Variants in MAML1 observed in about 807,000 individuals in gnomAD.
MAML1 encodes mastermind-like protein 1.
MAML1 carries 14 observed loss-of-function variants against 77.1 expected under a neutral mutation model. The observed-to-expected ratio is 0.18, with a 90% CI of 0.12 to 0.28. The LOEUF (loss-of-function observed/expected upper bound fraction) is 0.28, where lower values mean the gene tolerates loss of function less well. Ranked by LOEUF, MAML1 falls within the 10% of genes least tolerant of loss-of-function variation. The pLI is 1.00. For missense variants in MAML1, 1,217 were observed against 1,327.8 expected, an observed-to-expected ratio of 0.92 and a Z score of 1.30; for synonymous variants, 516 against 551.9, an observed-to-expected ratio of 0.93 and a Z score of 0.91.
In MAML1 at chr5:179,774,685, G is replaced by C. The variant is rs754452753; in HGVS notation, c.2859G>C (p.Ala953=). The part of the protein sequence containing the change: ...QSPASQMGGR[A]GLHCTQAYPV... Reference sequence around the variant, plus strand: ...CTGCCTCACAGATGGGCGGTCGGGCGGGGCTGCACTGCACCCAGGCCTACC... The same window carrying C: ...CTGCCTCACAGATGGGCGGTCGGGCCGGGCTGCACTGCACCCAGGCCTACC... Residue 953 remains alanine (A), a synonymous_variant, in exon 5 of 5, where the codon GCG becomes GCC. Transcript: ENST00000292599. 2 of 1,609,954 alleles carry C rather than the reference G, an allele frequency of 1.2e-6. No homozygotes were observed. The highest frequency in any genetic ancestry group is 4.5e-5 in the East Asian group (2 of 44,856).
intron 1 of MAML1, among the ~76,000 whole-genome samples, chr5:179,759,634 C>T (rs973176466): frequency 1.3e-5 from 2 of 152,140 alleles, no homozygotes; most frequent in Non-Finnish European, 1.5e-5. Flanking sequence ...TCAGGGCTCC[C>T]GAGTGTCCTG....
At chr5:179,753,920 C>T (rs1779561306) in intron 1 of MAML1, among the ~76,000 whole-genome samples, 1 of 151,740 alleles carries the variant, frequency 6.6e-6, no homozygotes. Context: ...GATCCACCCA[C>T]CTCGGCCTCC....
At position 179,766,208 on chromosome 5, in the gene MAML1, CAGCAGATCGCTGCCAAGCAGAAGCGCG is replaced by C; in HGVS notation, c.1206_1232del (p.Ile402_Gln410del). Reference sequence around the variant, plus strand: ...AGAGCTGTCCTCTGCCCACCAGCTCCAGCAGATCGCTGCCAAGCAGAAGCGCGAGCAGATGCTCCAGAACCCACAGCA... The same window carrying C: ...AGAGCTGTCCTCTGCCCACCAGCTCCAGCAGATGCTCCAGAACCCACAGCA... On this transcript the variant is annotated inframe_deletion, in exon 2 of 5. Coordinates refer to ENST00000292599, the MANE Select transcript of MAML1 (RefSeq NM_014757.5). This position sits in a 1 kb window ranked among gnomAD's most constrained non-coding sequence, Gnocchi z 4.0. The C allele has an allele frequency of 6.2e-7, 1 of 1,612,360 alleles. No individual in the cohort carries two copies.
rs6872816 is a variant in MAML1 at position 179,753,220 on chromosome 5, T to C, written c.316-12106T>C. Among the ~76,000 whole-genome samples the C allele has an allele frequency of 8.9e-3, 335 of 37,824 alleles. 1 individual carries two copies. Among genetic ancestry groups the C allele is most frequent in the Middle Eastern group, 0.014 (1 of 70 alleles). The allele number at this position is 37,824 out of a possible 152,430, so 24.8% of individuals were successfully genotyped here. A position where few individuals can be genotyped will look rare whatever the true frequency, so the allele number is the denominator to read the frequency against. ...GTGTGTGTGTGTGTGTGTGTGTGTG[T>C]GTGCGCGCGCGCGCGCGCGTGCTGG... On this transcript the variant is annotated intron_variant, in intron 1 of 4. Coordinates refer to ENST00000292599, the MANE Select transcript of MAML1 (RefSeq NM_014757.5).
At position 179,775,727 on chromosome 5, in the gene MAML1, C is replaced by T. The variant is rs763531767; in HGVS notation, c.*850C>T. ...GTCTCCCCACCTTCTGCAGTTTTCT[C>T]TGAACATGTATGTTGCCCATGGTGG... On this transcript the variant is annotated 3_prime_UTR_variant, in exon 5 of 5. Coordinates refer to ENST00000292599, the MANE Select transcript of MAML1 (RefSeq NM_014757.5). The T allele has an allele frequency of 1.0e-5, 10 of 985,502 alleles. No individual in the cohort carries two copies. The highest frequency in any genetic ancestry group is 1.2e-5 in the Non-Finnish European group (10 of 829,966). The allele number at this position is 985,502 out of a possible 1,614,324, so 61.0% of individuals were successfully genotyped here.
chr5:179,774,345 A>C lies in MAML1; in HGVS notation c.2519A>C (p.Gln840Pro), dbSNP rs1756079403. 6.2e-7 allele frequency: 1 copy of C among 1,613,370 alleles called. No individual in the cohort carries two copies. The highest frequency in any genetic ancestry group is 1.3e-5 in the African/African-American group (1 of 75,066). The change falls in exon 5 of 5, where the codon CAG becomes CCG. Residue 840 changes from glutamine to proline, a missense_variant. Gln to Pro is a moderately conservative substitution (Grantham distance 76). This residue lies in a region of MAML1 where 884 missense variants were observed against 949.3 expected (regional missense o/e 0.93). Transcript: ENST00000292599. ...ATGGGAGGCCAGAATTCCTCCTGGC[A>C]GCATCAGGGAATGCCGAACCTCAGT... Reference protein sequence around the residue: ...PAMGGQNSSWQHQGMPNLSGQ... With the variant: ...PAMGGQNSSWPHQGMPNLSGQ...
At chr5:179,759,789 C>G (rs1411915734) in intron 1 of MAML1, among the ~76,000 whole-genome samples, 1 of 152,238 alleles carries the variant, frequency 6.6e-6, no homozygotes, top group Non-Finnish European at 1.5e-5. Context: ...GGTGGAGTCC[C>G]TCTGACTCTG....
intron 1 of MAML1, among the ~76,000 whole-genome samples, chr5:179,740,365 G>T (rs572832727): frequency 6.6e-6 from 1 of 152,126 alleles, no homozygotes; most frequent in East Asian, 1.9e-4. Context: ...CCGCCTCCCG[G>T]GTTCACGCCA....
intron 1 of MAML1, among the ~76,000 whole-genome samples, chr5:179,756,671 A>G (rs1779628110): frequency 1.3e-5 from 2 of 152,198 alleles, no homozygotes; most frequent in East Asian, 1.9e-4. Context: ...TAGCGGTCAC[A>G]CGGATAACAT....
chr5:179,757,924 A>C (rs1779653196), intron 1 of MAML1, among the ~76,000 whole-genome samples: 1 of 152,232 alleles, frequency 6.6e-6, no homozygotes, highest in African/African-American at 2.4e-5. Flanking sequence ...CTTTCCATCG[A>C]AAAAGGTGAT....
Position 179,774,523 on chromosome 5 carries a change from G to A in MAML1, c.2697G>A (p.Val899=), listed in dbSNP as rs190436419. The A allele has an allele frequency of 6.4e-5, 103 of 1,613,130 alleles. No individual in the cohort carries two copies. In the East Asian group the frequency reaches 2.1e-3, roughly 33 times the overall value. The change falls in exon 5 of 5, where the codon GTG becomes GTA. Residue 899 remains valine, a synonymous_variant. Coordinates refer to ENST00000292599, the MANE Select transcript of MAML1 (RefSeq NM_014757.5). ...PMAPMSSAAA[V]GSLLPPVSAQ... is the part of the protein sequence containing the mutation. ...CTCCCATGAGCTCAGCAGCTGCCGT[G>A]GGGTCCTTGCTACCCCCAGTGAGTG...
intron 1 of MAML1, among the ~76,000 whole-genome samples, chr5:179,758,945 C>A (rs1030576459): frequency 2.0e-5 from 3 of 151,932 alleles, no homozygotes; most frequent in Admixed American, 2.0e-4. Context: ...TTGCAGTGAG[C>A]TGAGATCGTG....
In MAML1 at chr5:179,776,809, A is replaced by C; in HGVS notation, c.*1932A>C. On this transcript the variant is annotated 3_prime_UTR_variant, in exon 5 of 5. Coordinates refer to ENST00000292599, the MANE Select transcript of MAML1 (RefSeq NM_014757.5). ...TCACTTGCTGCAGTGTCATAGCAAT[A>C]AAATGTGATTCTTGGGGTCCCCCCA... 1.0e-6 allele frequency: 1 copy of C among 985,932 alleles called. No individual in the cohort carries two copies. The highest frequency in any genetic ancestry group is 1.2e-6 in the Non-Finnish European group (1 of 829,978). 61.1% of individuals were successfully genotyped at this position (985,932 alleles called of 1,614,324 possible).
At position 179,754,048 on chromosome 5, in the gene MAML1, T is replaced by C. The variant is rs149805353; in HGVS notation, c.316-11278T>C. On this transcript the variant is annotated intron_variant, in intron 1 of 4. Coordinates refer to ENST00000292599, the MANE Select transcript of MAML1 (RefSeq NM_014757.5). ...CCTGTAATCTCAGCACTTTGGGAGG[T>C]CAAGGTGGGTGGATCCCTTGAGCCC... 6.2e-3 allele frequency among the ~76,000 whole-genome samples: 940 copies of C among 151,178 alleles called. 10 individuals carry two copies. Among genetic ancestry groups the C allele is most frequent in the African/African-American group, 0.021 (873 of 41,114 alleles).
chr5:179,735,754 T>A (rs142582220), intron 1 of MAML1, among the ~76,000 whole-genome samples: 1 of 150,970 alleles, frequency 6.6e-6, no homozygotes, highest in Non-Finnish European at 1.5e-5. Context: ...GTGACATGAT[T>A]TCTGCTCACT....
In MAML1 at chr5:179,774,916, A is replaced by T; in HGVS notation, c.*39A>T. The T allele has an allele frequency of 6.5e-7, 1 of 1,535,482 alleles. No homozygotes were observed. The highest frequency in any genetic ancestry group is 8.8e-7 in the Non-Finnish European group (1 of 1,142,310). ...AGTGTTTTTAGTGTTCATTCATCCTATATTTTTATTCTCAGATTCAAAGAA... is the reference window on the plus strand; with the variant it reads ...AGTGTTTTTAGTGTTCATTCATCCTTTATTTTTATTCTCAGATTCAAAGAA... On this transcript the variant is annotated 3_prime_UTR_variant, in exon 5 of 5. Coordinates refer to ENST00000292599, the MANE Select transcript of MAML1 (RefSeq NM_014757.5).
intron 1 of MAML1, among the ~76,000 whole-genome samples, chr5:179,744,263 C>T (rs1779339029): frequency 6.6e-6 from 1 of 152,152 alleles, no homozygotes; most frequent in South Asian, 2.1e-4. Context: ...TGGCTCACCG[C>T]AACCTCCACT....
At position 179,769,049 on chromosome 5, in the gene MAML1, A is replaced by G. The variant is rs1237531520; in HGVS notation, c.1931A>G (p.Gln644Arg). ...CAGCAGCAAAAGCATTTACAGCAACAGCAGTTCCTTCAGAGGCAACAGCAC... is the reference window on the plus strand; with the variant it reads ...CAGCAGCAAAAGCATTTACAGCAACGGCAGTTCCTTCAGAGGCAACAGCAC... ...REQQQKHLQQ[Q>R]QFLQRQQHLL... The change falls in exon 3 of 5, where the codon CAG (glutamine) becomes CGG (arginine). Residue 644 changes from glutamine to arginine, a missense_variant. This residue lies in a region of MAML1 where 884 missense variants were observed against 949.3 expected (regional missense o/e 0.93). Coordinates refer to ENST00000292599, the MANE Select transcript of MAML1 (RefSeq NM_014757.5). The surrounding 1 kb of genome is among the most constrained non-coding windows in gnomAD (Gnocchi z 4.2). The G allele has an allele frequency of 6.2e-7, 1 of 1,614,236 alleles. No homozygotes were observed. Among genetic ancestry groups the G allele is most frequent in the Non-Finnish European group, 8.5e-7 (1 of 1,180,032 alleles).
rs1755976751 is a variant in MAML1 at position 179,771,091 on chromosome 5, T to C, written c.1972-56T>C. 3 of 1,373,064 alleles carry C rather than the reference T, an allele frequency of 2.2e-6. No homozygotes were observed. The highest frequency in any genetic ancestry group is 3.1e-6 in the Non-Finnish European group (3 of 961,204). 85.1% of individuals were successfully genotyped at this position (1,373,064 alleles called of 1,614,324 possible). ...TTTTCTCTGACCTCCCTCACTCCCT[T>C]TGTTTTGGATTTTGTTATATGTTGG... On this transcript the variant is annotated intron_variant, in intron 3 of 4. Transcript: ENST00000292599. The surrounding 1 kb of genome is among the most constrained non-coding windows in gnomAD (Gnocchi z 4.7).
Sources: gnomAD v4.1 joint callset for allele counts (sites outside exome capture counted in the v4.1 genomes callset) on GRCh38, gnomAD v4.1.1 for gene constraint, gnomAD v4.1.1 regional missense constraint, Gnocchi (gnomAD v3.1) non-coding constraint, MANE v1.5 for transcripts, NCBI Gene and HGNC (gene_info 2026-07-23, HGNC 2026-07-21) for gene names.